Variants in SLC4A4 observed in about 807,000 individuals in gnomAD.
The protein encoded by SLC4A4 is solute carrier family 4 member 4, also known as electrogenic sodium bicarbonate cotransporter 1.
Under a neutral mutation model 111.5 loss-of-function variants are expected in SLC4A4, and 27 were observed. The ratio of observed to expected loss-of-function variants is 0.24; its 90% CI spans 0.18 to 0.33. SLC4A4 has a LOEUF of 0.33. Ranked by LOEUF, SLC4A4 falls within the 10% of genes least tolerant of loss-of-function variation. The pLI, the probability that SLC4A4 is intolerant of heterozygous loss-of-function variation, is 1.00. For synonymous variants in SLC4A4, 443 were observed against 463.4 expected, an observed-to-expected ratio of 0.96 and a Z score of 0.57; for missense variants, 909 against 1,315.5, an observed-to-expected ratio of 0.69 and a Z score of 4.78.
intron 16 of SLC4A4, among the ~76,000 whole-genome samples, chr4:71,509,812 A>G (rs1481367305): frequency 6.6e-6 from 1 of 152,070 alleles, no homozygotes. Context: ...GGTTTGAGCA[A>G]TGGGTTCTTA....
chr4:71,462,083 C>T (rs1214871627), intron 12 of SLC4A4, among the ~76,000 whole-genome samples: 2 of 151,930 alleles, frequency 1.3e-5, no homozygotes, highest in Admixed American at 6.6e-5. Context: ...TTCTCTCCTT[C>T]GTCTCTTAAA....
chr4:71,534,488 C>T (rs999548827), intron 18 of SLC4A4, 100 bp downstream of exon 18: 46 of 1,132,724 alleles, frequency 4.1e-5, no homozygotes, highest in Non-Finnish European at 5.7e-5. Flanking sequence ...TTGGGAGTTA[C>T]TATAGCTAAT....
chr4:71,190,575 C>G (rs1745688905), intron 1 of SLC4A4, among the ~76,000 whole-genome samples: 1 of 152,112 alleles, frequency 6.6e-6, no homozygotes, highest in Non-Finnish European at 1.5e-5. Context: ...ATTGAAAATA[C>G]AATGAGAGCC....
At chr4:71,105,156 G>T (rs940620725) in intron 2 of SLC4A4, among the ~76,000 whole-genome samples, 13 of 144,738 alleles carry the variant, frequency 9.0e-5, no homozygotes, top group Non-Finnish European at 1.5e-5. Context: ...AATCATGAGT[G>T]AACTCCCATT....
intron 1 of SLC4A4, among the ~76,000 whole-genome samples, chr4:71,211,774 T>G (rs958208913): frequency 7.0e-3 from 1 of 142 alleles, no homozygotes; most frequent in African/African-American, 0.014. Context: ...TTTATCTGTT[T>G]TTTTTTTTTT....
intron 1 of SLC4A4, among the ~76,000 whole-genome samples, chr4:71,062,876 T>G (rs1741425641): frequency 1.3e-5 from 2 of 152,196 alleles, no homozygotes; most frequent in Non-Finnish European, 2.9e-5. Flanking sequence ...CTGCCTTAAT[T>G]AGGGGTGAGG....
At chr4:71,440,881 G>A in intron 8 of SLC4A4, 108 bp downstream of exon 8, 1 of 1,277,054 alleles carries the variant, frequency 7.8e-7, no homozygotes, top group East Asian at 2.3e-5. Flanking sequence ...AAACACATTG[G>A]AGAGGTTTAA....
chr4:71,457,106 T>C (rs1726340204), intron 12 of SLC4A4, among the ~76,000 whole-genome samples: 1 of 152,172 alleles, frequency 6.6e-6, no homozygotes, highest in Non-Finnish European at 1.5e-5. Context: ...AGTCACTGCA[T>C]GGCTGTTGTC....
At chr4:71,530,274 G>A (rs901773834) in intron 16 of SLC4A4, among the ~76,000 whole-genome samples, 5 of 152,058 alleles carry the variant, frequency 3.3e-5, no homozygotes, top group Admixed American at 1.3e-4. Context: ...CTTATATTAG[G>A]AGAGTTTATT....
intron 7 of SLC4A4, chr4:71,437,145 C>A: frequency 2.2e-6 from 1 of 459,892 alleles, no homozygotes; most frequent in Non-Finnish European, 4.3e-6. Context: ...AGTTCAGATC[C>A]GTCAGAGGGA....
intron 3 of SLC4A4, among the ~76,000 whole-genome samples, chr4:71,269,493 G>C (rs1390906036): frequency 1.3e-5 from 2 of 152,176 alleles, no homozygotes; most frequent in African/African-American, 4.8e-5. Flanking sequence ...CATTTTCACA[G>C]ATGTCTTTAA....
At chr4:71,357,277 C>G in intron 6 of SLC4A4, 90 bp downstream of exon 6, 1 of 1,350,638 alleles carries the variant, frequency 7.4e-7, no homozygotes, top group Non-Finnish European at 1.1e-6. Context: ...TAACCCTTCT[C>G]CATATTTTTT....
chr4:71,429,591 A>T (rs1306189903), intron 7 of SLC4A4, among the ~76,000 whole-genome samples: 1 of 152,176 alleles, frequency 6.6e-6, no homozygotes, highest in Non-Finnish European at 1.5e-5. Flanking sequence ...AAGACAAAAG[A>T]TCACAAAATC....
intron 1 of SLC4A4, among the ~76,000 whole-genome samples, chr4:71,092,481 C>T (rs1742415681): frequency 6.6e-6 from 1 of 152,086 alleles, no homozygotes; most frequent in African/African-American, 2.4e-5. Context: ...GAGACAGTTT[C>T]CTATACATTT....
intron 2 of SLC4A4, among the ~76,000 whole-genome samples, chr4:71,128,071 G>A (rs1486826389): frequency 1.3e-5 from 2 of 152,216 alleles, no homozygotes; most frequent in African/African-American, 4.8e-5. Context: ...GGGTGACAGA[G>A]CAAGACTGTA....
chr4:71,075,974 TA>T (rs1741803915), intron 1 of SLC4A4, among the ~76,000 whole-genome samples: 1 of 149,400 alleles, frequency 6.7e-6, no homozygotes, highest in African/African-American at 2.5e-5. Flanking sequence ...AATAAATAAA[TA>T]AATAAATAAA....
Position 71,555,101 on chromosome 4 carries a change from G to A in SLC4A4, c.2695-39G>A, listed in dbSNP as rs368299023. 1.4e-4 allele frequency: 189 copies of A among 1,367,886 alleles called. No homozygotes were observed. The African/African-American group carries it at 2.5e-3, about 18-fold the overall frequency. 84.7% of individuals were successfully genotyped at this position (1,367,886 alleles called of 1,614,324 possible). On this transcript the variant is annotated intron_variant, in intron 20 of 25. Transcript: ENST00000264485. Reference sequence around the variant, plus strand: ...TTCCTCTTCATTCCTCTTTTTTCTTGTTATCATTTTTAAGTTGTATCCATT... The same window carrying A: ...TTCCTCTTCATTCCTCTTTTTTCTTATTATCATTTTTAAGTTGTATCCATT...
At chr4:71,548,934 A>C (rs1254000613) in intron 20 of SLC4A4, among the ~76,000 whole-genome samples, 1 of 151,920 alleles carries the variant, frequency 6.6e-6, no homozygotes, top group Non-Finnish European at 1.5e-5. Flanking sequence ...TGCACAAAAT[A>C]CTTGTTAAAC....
intron 7 of SLC4A4, among the ~76,000 whole-genome samples, chr4:71,432,492 C>T (rs536655528): frequency 6.6e-6 from 1 of 152,146 alleles, no homozygotes; most frequent in South Asian, 2.1e-4. Flanking sequence ...CATGGATATT[C>T]TTTTCATATC....
Sources: gnomAD v4.1 joint callset for allele counts (sites outside exome capture counted in the v4.1 genomes callset) on GRCh38, gnomAD v4.1.1 for gene constraint, MANE v1.5 for transcripts, NCBI Gene and HGNC (gene_info 2026-07-23, HGNC 2026-07-21) for gene names.